Variants in LRPPRC observed in about 807,000 individuals in gnomAD.
The protein encoded by LRPPRC is leucine-rich PPR motif-containing protein, mitochondrial.
LRPPRC carries 120 observed loss-of-function variants against 180.3 expected under a neutral mutation model. That is an observed-to-expected ratio of 0.67 (90% CI 0.57 to 0.77). LRPPRC has a LOEUF of 0.77. LRPPRC is among the 30% of genes least tolerant of loss of function. The pLI, the probability that LRPPRC is intolerant of heterozygous loss-of-function variation, is 0.00. For synonymous variants in LRPPRC, 723 were observed against 600.0 expected, an observed-to-expected ratio of 1.21 and a Z score of -3.00; for missense variants, 2,012 against 1,657.2, an observed-to-expected ratio of 1.21 and a Z score of -3.72.
intron 27 of LRPPRC, among the ~76,000 whole-genome samples, chr2:43,921,838 A>G (rs1671710979): frequency 6.6e-6 from 1 of 152,228 alleles, no homozygotes; most frequent in Non-Finnish European, 1.5e-5. Flanking sequence ...ATAATATATG[A>G]ATCATTACTG....
intron 29 of LRPPRC, among the ~76,000 whole-genome samples, chr2:43,917,175 C>T (rs568854191): frequency 3.0e-4 from 45 of 151,028 alleles, no homozygotes; most frequent in African/African-American, 1.0e-3. Flanking sequence ...CGAGTAGCTG[C>T]GATGACAGGC....
At chr2:43,967,545 T>C (rs1223095951) in intron 11 of LRPPRC, among the ~76,000 whole-genome samples, 2 of 152,106 alleles carry the variant, frequency 1.3e-5, no homozygotes, top group Non-Finnish European at 2.9e-5. Flanking sequence ...ATGTTTTTAA[T>C]TAGCCAGGCA....
chr2:43,985,073 T>C (rs1344307723), intron 1 of LRPPRC, among the ~76,000 whole-genome samples: 1 of 150,630 alleles, frequency 6.6e-6, no homozygotes, highest in African/African-American at 2.4e-5. Flanking sequence ...AAAAAAAAGA[T>C]ATAAGGGATC....
chr2:43,977,900 AT>A (rs1674131356), intron 3 of LRPPRC, among the ~76,000 whole-genome samples: 1 of 152,122 alleles, frequency 6.6e-6, no homozygotes, highest in African/African-American at 2.4e-5. Context: ...TTGTGGTAAC[AT>A]GTCTCACTAC....
chr2:43,921,304 A>G (rs1051822800), intron 27 of LRPPRC, among the ~76,000 whole-genome samples: 3 of 152,150 alleles, frequency 2.0e-5, no homozygotes, highest in African/African-American at 7.2e-5. Context: ...AAGGACTAAA[A>G]TAAAACACAA....
At chr2:43,946,617 A>T (rs1434908077) in intron 20 of LRPPRC, among the ~76,000 whole-genome samples, 1 of 152,066 alleles carries the variant, frequency 6.6e-6, no homozygotes, top group Non-Finnish European at 1.5e-5. Flanking sequence ...AAAGTTTCTC[A>T]GTCTAGTTTA....
In LRPPRC at chr2:43,929,939, GGACAA is replaced by G. The variant is rs1672024666; in HGVS notation, c.2737-3983_2737-3979del. ...AACTGACATATCCTGAAATTTTGGA[GGACAA>G]AACAAAAACAAACAAACAAACAAAC... On this transcript the variant is annotated intron_variant, in intron 25 of 37. Coordinates refer to ENST00000260665, the MANE Select transcript of LRPPRC (RefSeq NM_133259.4). Among the ~76,000 whole-genome samples, 3 of 137,812 alleles carry G rather than the reference GGACAA, an allele frequency of 2.2e-5. No homozygotes were observed. The Admixed American group carries it at 2.3e-4, about 11-fold the overall frequency. The allele number at this position is 137,812 out of a possible 152,430, so 90.4% of individuals were successfully genotyped here.
intron 11 of LRPPRC, among the ~76,000 whole-genome samples, chr2:43,968,714 C>T (rs1040652624): frequency 1.8e-4 from 27 of 152,106 alleles, no homozygotes; most frequent in Admixed American, 2.6e-4. Flanking sequence ...ACAGCAGTTG[C>T]CAGGGACTAG....
intron 32 of LRPPRC, among the ~76,000 whole-genome samples, chr2:43,900,286 G>T (rs1670838600): frequency 6.6e-6 from 1 of 151,500 alleles, no homozygotes; most frequent in Admixed American, 6.6e-5. Context: ...TATCTTTTTG[G>T]TTAAGGTAAT....
chr2:43,959,889 T>C (rs1673268905), intron 13 of LRPPRC, among the ~76,000 whole-genome samples: 1 of 151,878 alleles, frequency 6.6e-6, no homozygotes, highest in African/African-American at 2.4e-5. Context: ...GTCTCAAAAA[T>C]AAATAAAATA....
At position 43,977,192 on chromosome 2, in the gene LRPPRC, A is replaced by C; in HGVS notation, c.554T>G (p.Leu185Arg). 1 of 1,610,138 alleles carries C rather than the reference A, an allele frequency of 6.2e-7. No individual in the cohort carries two copies. The highest frequency in any genetic ancestry group is 8.5e-7 in the Non-Finnish European group (1 of 1,176,502). Residue 185 changes from leucine (L) to arginine (R), a missense_variant, in exon 4 of 38, where the codon CTG (leucine) becomes CGG (arginine). Leu to Arg is a moderately radical substitution (Grantham distance 102). Transcript: ENST00000260665. ...AATGTTTGCTTCCTCCATTTTTGCCAGGAAATCAGTTGGTGAGAATTTATA... is the reference window on the plus strand; with the variant it reads ...AATGTTTGCTTCCTCCATTTTTGCCCGGAAATCAGTTGGTGAGAATTTATA... ...NEYKFSPTDFLAKMEEANIQP... is the reference protein window; with the variant it reads ...NEYKFSPTDFRAKMEEANIQP...
At chr2:43,931,499 C>G (rs1056115761) in intron 25 of LRPPRC, among the ~76,000 whole-genome samples, 18 of 152,162 alleles carry the variant, frequency 1.2e-4, no homozygotes, top group African/African-American at 4.1e-4. Context: ...AACCTCTTTG[C>G]TGCCTCAGGG....
At chr2:43,899,808 G>A (rs560672179) in intron 32 of LRPPRC, among the ~76,000 whole-genome samples, 32 of 152,272 alleles carry the variant, frequency 2.1e-4, no homozygotes, top group African/African-American at 6.3e-4. Flanking sequence ...TAGCTGGTTC[G>A]TGCTGCAGTG....
At chr2:43,948,099 G>A (rs1672758764) in intron 18 of LRPPRC, 23 bp downstream of exon 18, 1 of 1,439,622 alleles carries the variant, frequency 6.9e-7, no homozygotes, top group Non-Finnish European at 9.8e-7. Context: ...ATTTTATCCA[G>A]TTGATTGCTA....
At chr2:43,895,331 C>T (rs892136294) in intron 35 of LRPPRC, among the ~76,000 whole-genome samples, 4 of 152,192 alleles carry the variant, frequency 2.6e-5, no homozygotes, top group African/African-American at 7.2e-5. Flanking sequence ...AAAATCCTAA[C>T]TCCTTTCTAT....
At chr2:43,918,194 C>A in intron 28 of LRPPRC, 61 bp from the exon 29 acceptor site, 2 of 1,586,430 alleles carry the variant, frequency 1.3e-6, no homozygotes, top group South Asian at 2.2e-5. Flanking sequence ...TAAAAGTAGG[C>A]TAATCTATAA....
rs866243257 is a variant in LRPPRC at position 43,886,370 on chromosome 2, T to G, written c.*2230A>C. The G allele has an allele frequency of 3.9e-5, 6 of 152,324 alleles. No homozygotes were observed. Among genetic ancestry groups the G allele is most frequent in the Non-Finnish European group, 7.4e-5 (5 of 68,026 alleles). The allele number at this position is 152,324 out of a possible 1,614,324, so 9.4% of individuals were successfully genotyped here. ...TAGAATTAGCTGCTTATAATTTGAG[T>G]GTAAATGTATTACAGAAAGCTGCTA... is the stretch of plus-strand genomic sequence containing the variant. On this transcript the variant is annotated 3_prime_UTR_variant, in exon 38 of 38. Coordinates refer to ENST00000260665, the MANE Select transcript of LRPPRC (RefSeq NM_133259.4).
chr2:43,929,292 A>G (rs1269749903), intron 25 of LRPPRC, among the ~76,000 whole-genome samples: 1 of 152,202 alleles, frequency 6.6e-6, no homozygotes. Context: ...CAGTAATACA[A>G]TAAGTACTGT....
intron 1 of LRPPRC, among the ~76,000 whole-genome samples, chr2:43,991,146 C>T (rs529730025): frequency 1.3e-5 from 2 of 151,986 alleles, no homozygotes; most frequent in Admixed American, 1.3e-4. Context: ...TCTCCCACCT[C>T]AGCCTCCCGA....
Sources: gnomAD v4.1 joint callset for allele counts (sites outside exome capture counted in the v4.1 genomes callset) on GRCh38, gnomAD v4.1.1 for gene constraint, MANE v1.5 for transcripts, NCBI Gene and HGNC (gene_info 2026-07-23, HGNC 2026-07-21) for gene names.